PTCHD4: variants seen among roughly 807,000 people sequenced by gnomAD.
The protein encoded by PTCHD4 is patched domain-containing protein 4.
Under a neutral mutation model 58.1 loss-of-function variants are expected in PTCHD4, and 33 were observed. That is an observed-to-expected ratio of 0.57 (90% confidence interval 0.43 to 0.76). The LOEUF is 0.76. PTCHD4 is among the 30% of genes least tolerant of loss of function. The pLI is 0.00. For missense variants in PTCHD4, 1,058 were observed against 1,027.1 expected (o/e 1.03, Z -0.41); for synonymous variants, 478 against 409.6 (o/e 1.17, Z -2.02).
intron 4 of PTCHD4, among the ~76,000 whole-genome samples, chr6:47,910,159 C>T (rs1269549343): frequency 1.3e-5 from 2 of 152,144 alleles, no homozygotes; most frequent in Non-Finnish European, 2.9e-5. Flanking sequence ...GACATTGATA[C>T]AATGTCATCT....
At chr6:48,013,847 A>G (rs2114095727) in intron 3 of PTCHD4, among the ~76,000 whole-genome samples, 1 of 152,284 alleles carries the variant, frequency 6.6e-6, no homozygotes, top group Non-Finnish European at 1.5e-5. Context: ...TTTAGCAGCA[A>G]CAAAATGATT....
chr6:48,005,771 T>C (rs1330628951), intron 4 of PTCHD4, among the ~76,000 whole-genome samples: 2 of 152,230 alleles, frequency 1.3e-5, no homozygotes, highest in African/African-American at 2.4e-5. Flanking sequence ...GATTAAATAC[T>C]AACTTCAAAG....
chr6:47,888,430 A>G (rs982088726), intron 4 of PTCHD4, among the ~76,000 whole-genome samples: 7 of 152,186 alleles, frequency 4.6e-5, no homozygotes, highest in Non-Finnish European at 8.8e-5. Flanking sequence ...GCATGAACAG[A>G]CACTCAGTCC....
At chr6:47,953,297 T>G (rs144380933) in intron 4 of PTCHD4, among the ~76,000 whole-genome samples, 18 of 152,296 alleles carry the variant, frequency 1.2e-4, no homozygotes, top group Non-Finnish European at 2.4e-4. Context: ...GTCTGAATTT[T>G]TTAAAAAGTT....
chr6:47,989,980 C>G (rs1181709609), intron 4 of PTCHD4, among the ~76,000 whole-genome samples: 1 of 152,174 alleles, frequency 6.6e-6, no homozygotes, highest in Non-Finnish European at 1.5e-5. Context: ...GGGACTCTAC[C>G]CTGCAAAGCC....
chr6:47,976,611 A>C (rs1433315676), intron 4 of PTCHD4, among the ~76,000 whole-genome samples: 1 of 151,844 alleles, frequency 6.6e-6, no homozygotes, highest in East Asian at 1.9e-4. Context: ...CCAAGATTGC[A>C]CCACTTTACT....
rs542945063 is a variant in PTCHD4, at chr6:48,011,326, G to A, written c.418-2212C>T. 2.0e-5 allele frequency among the ~76,000 whole-genome samples: 3 copies of A among 152,228 alleles called. No individual in the cohort carries two copies. The South Asian group carries it at 6.2e-4, about 32-fold the overall frequency. On this transcript the variant is annotated intron_variant, in intron 3 of 4. Transcript: ENST00000339488. Reference sequence around the variant, plus strand: ...GTTTGGATTTGCATTTCTCTAATGAGCAGTGATGATGAGGTTTTCTTCATA... The same window carrying A: ...GTTTGGATTTGCATTTCTCTAATGAACAGTGATGATGAGGTTTTCTTCATA...
rs117867298 is a variant in PTCHD4, at chr6:47,936,861, G to A, written c.899-56925C>T. Among the ~76,000 whole-genome samples, 35 of 152,328 alleles carry A rather than the reference G, an allele frequency of 2.3e-4. No homozygotes were observed. In the East Asian group the frequency reaches 5.0e-3, roughly 22 times the overall value. ...ATAGAAAAAAGTAGAGTAGGATAAA[G>A]AGGATTGATCCAAAAACGCTCCAGT... is the stretch of plus-strand genomic sequence containing the variant. On this transcript the variant is annotated intron_variant, in intron 4 of 4. Coordinates refer to ENST00000339488, the MANE Select transcript of PTCHD4 (RefSeq NM_001384253.1).
intron 1 of PTCHD4, among the ~76,000 whole-genome samples, chr6:48,075,884 G>A (rs72869974): frequency 1.5e-3 from 227 of 152,302 alleles, no homozygotes; most frequent in Non-Finnish European, 2.2e-3. Flanking sequence ...CTGAAGGTTA[G>A]AGTGGTTGTG....
At position 48,108,412 on chromosome 6, in the gene PTCHD4, T is replaced by C. The variant is rs538953168; in HGVS notation, c.-970+2637A>G. Among the ~76,000 whole-genome samples, 48 of 150,878 alleles carry C rather than the reference T, an allele frequency of 3.2e-4. No individual in the cohort carries two copies. The East Asian group carries it at 8.0e-3, about 25-fold the overall frequency. ...GTGGGAATTGAACAATGAGAACACA[T>C]GGACACAGGAAGGGGAACATCACAC... is the stretch of plus-strand genomic sequence containing the variant. On this transcript the variant is annotated intron_variant, in intron 1 of 4. Coordinates refer to ENST00000339488, the MANE Select transcript of PTCHD4 (RefSeq NM_001384253.1).
intron 1 of PTCHD4, among the ~76,000 whole-genome samples, chr6:48,099,940 A>C (rs1765564485): frequency 6.6e-6 from 1 of 152,252 alleles, no homozygotes; most frequent in Non-Finnish European, 1.5e-5. Context: ...GTTACTGGCC[A>C]TATTAATGAA....
chr6:47,953,212 T>C (rs1766722063), intron 4 of PTCHD4, among the ~76,000 whole-genome samples: 1 of 151,888 alleles, frequency 6.6e-6, no homozygotes, highest in Non-Finnish European at 1.5e-5. Context: ...TGCAAAAAAG[T>C]GTGACTATAT....
At chr6:47,922,857 C>T (rs1271298325) in intron 4 of PTCHD4, among the ~76,000 whole-genome samples, 1 of 152,186 alleles carries the variant, frequency 6.6e-6, no homozygotes, top group East Asian at 1.9e-4. Flanking sequence ...TCTTTACATG[C>T]CTGGTTCCCA....
At chr6:48,032,991 T>C (rs565813230) in intron 3 of PTCHD4, among the ~76,000 whole-genome samples, 3 of 152,282 alleles carry the variant, frequency 2.0e-5, no homozygotes, top group South Asian at 4.1e-4. Context: ...AATTTACTTA[T>C]TGAACAAAGA....
chr6:47,867,635 G>C lies in PTCHD4; in HGVS notation c.*10668C>G, dbSNP rs1429867289. On this transcript the variant is annotated 3_prime_UTR_variant, in exon 5 of 5. Coordinates refer to ENST00000339488, the MANE Select transcript of PTCHD4 (RefSeq NM_001384253.1). ...TCTCATCTGTTATAGCCTTCATCCT[G>C]GACAACCTGCTTTCCTGCCCTTGTA... is the stretch of plus-strand genomic sequence containing the variant. 6.6e-6 allele frequency among the ~76,000 whole-genome samples: 1 copy of C among 151,590 alleles called. No homozygotes were observed. The highest frequency in any genetic ancestry group is 6.6e-5 in the Admixed American group (1 of 15,154).
Position 47,861,134 on chromosome 6 carries a change from T to C in PTCHD4, c.*17169A>G, listed in dbSNP as rs1763416037. On this transcript the variant is annotated 3_prime_UTR_variant, in exon 5 of 5. Transcript: ENST00000339488. Reference sequence around the variant, plus strand: ...CTTGGCGTGAAGAAGGGCAAGATTGTTTTTCTCCATCTGTAGATGAATTCT... The same window carrying C: ...CTTGGCGTGAAGAAGGGCAAGATTGCTTTTCTCCATCTGTAGATGAATTCT... Among the ~76,000 whole-genome samples, 1 of 151,916 alleles carries C rather than the reference T, an allele frequency of 6.6e-6. No homozygotes were observed. Among genetic ancestry groups the C allele is most frequent in the Non-Finnish European group, 1.5e-5 (1 of 67,918 alleles).
At chr6:47,949,903 A>C (rs1766573427) in intron 4 of PTCHD4, among the ~76,000 whole-genome samples, 2 of 151,488 alleles carry the variant, frequency 1.3e-5, no homozygotes, top group Admixed American at 1.3e-4. Context: ...ATTATACTTT[A>C]AGTTTTAGGG....
intron 4 of PTCHD4, among the ~76,000 whole-genome samples, chr6:47,949,124 G>A (rs965311722): frequency 2.0e-5 from 3 of 152,226 alleles, no homozygotes; most frequent in African/African-American, 7.2e-5. Context: ...GCAGGGGCTA[G>A]GGATGTCAAA....
At chr6:48,060,879 C>T (rs572049160) in intron 3 of PTCHD4, among the ~76,000 whole-genome samples, 20 of 152,330 alleles carry the variant, frequency 1.3e-4, no homozygotes, top group African/African-American at 4.8e-4. Flanking sequence ...CAACACAAAT[C>T]CTGTAACTAA....
Sources: gnomAD v4.1 joint callset for allele counts (sites outside exome capture counted in the v4.1 genomes callset) on GRCh38, gnomAD v4.1.1 for gene constraint, MANE v1.5 for transcripts, NCBI Gene and HGNC (gene_info 2026-07-23, HGNC 2026-07-21) for gene names.